The following C12orf56 variants were observed in gnomAD, a reference collection of about 807,000 sequenced individuals.
C12orf56 encodes uncharacterized protein C12orf56.
A neutral mutation model predicts 69.9 loss-of-function variants in C12orf56; 71 were observed. That is an observed-to-expected ratio of 1.02 (90% CI 0.84 to 1.24). The LOEUF (loss-of-function observed/expected upper bound fraction) is 1.24. Among genes scored for constraint, C12orf56 ranks in the 50% most tolerant of loss-of-function variants. The pLI is 0.00. For synonymous variants in C12orf56, 276 were observed against 274.1 expected, an observed-to-expected ratio of 1.01 and a Z score of -0.07; for missense variants, 732 against 738.5, an observed-to-expected ratio of 0.99 and a Z score of 0.10.
chr12:64,272,715 T>C (rs1187251685), intron 11 of C12orf56, among the ~76,000 whole-genome samples: 1 of 152,114 alleles, frequency 6.6e-6, no homozygotes, highest in African/African-American at 2.4e-5. Context: ...CTTGCACATA[T>C]GAGCTTCCAT....
intron 1 of C12orf56, among the ~76,000 whole-genome samples, chr12:64,377,193 CTTTTT>C (rs751240899): frequency 3.1e-5 from 4 of 128,224 alleles, no homozygotes; most frequent in African/African-American, 8.7e-5. Context: ...CCTTTGCCCA[CTTTTT>C]TTTTTTTTTT....
chr12:64,282,285 T>A (rs1290288161), intron 8 of C12orf56, among the ~76,000 whole-genome samples: 1 of 152,254 alleles, frequency 6.6e-6, no homozygotes, highest in Non-Finnish European at 1.5e-5. Flanking sequence ...GCAGGCCAAA[T>A]CCAGCCTACA....
chr12:64,349,199 G>T (rs908378018), intron 2 of C12orf56, among the ~76,000 whole-genome samples: 6 of 152,174 alleles, frequency 3.9e-5, no homozygotes, highest in African/African-American at 1.2e-4. Flanking sequence ...CTATCAAAAA[G>T]TGGGTTAAGG....
At chr12:64,372,793 G>A (rs1347590745) in intron 1 of C12orf56, among the ~76,000 whole-genome samples, 2 of 152,098 alleles carry the variant, frequency 1.3e-5, no homozygotes, top group Admixed American at 6.6e-5. Flanking sequence ...GGGATTACAG[G>A]CATGAGCCAC....
chr12:64,318,697 C>T lies in C12orf56; in HGVS notation c.772G>A (p.Asp258Asn). 2 of 1,537,176 alleles carry T rather than the reference C, an allele frequency of 1.3e-6. No individual in the cohort carries two copies. Among genetic ancestry groups the T allele is most frequent in the Non-Finnish European group, 1.7e-6 (2 of 1,146,872 alleles). ...NEFYLGNSLLDSPSQSNSNLE... is the reference protein window; with the variant it reads ...NEFYLGNSLLNSPSQSNSNLE... ...TTTGAGTTGCTCTGTGAAGGGGAAT[C>T]TAAGAGGGAATTTCCTAAGTAAAAC... is the stretch of plus-strand genomic sequence containing the variant. The change falls in exon 4 of 13, where the codon GAT becomes AAT. Residue 258 changes from aspartate to asparagine, a missense_variant. Transcript: ENST00000543942.
chr12:64,358,482 AATCATCATCATCATC>A (rs1555193400), intron 1 of C12orf56, among the ~76,000 whole-genome samples: 138 of 125,944 alleles, frequency 1.1e-3, no homozygotes, highest in Middle Eastern at 3.9e-3. Flanking sequence ...TAATAATAAT[AATCATCATCATCATC>A]ATCATCATCA....
chr12:64,322,489 TA>T (rs2038785988), intron 3 of C12orf56, among the ~76,000 whole-genome samples: 1 of 152,194 alleles, frequency 6.6e-6, no homozygotes, highest in Non-Finnish European at 1.5e-5. Context: ...GGTTCATACT[TA>T]CTTCTTAGAG....
At chr12:64,387,077 C>CAACAAAAAAAAAAAAAAAAAAAA (rs1201123599) in intron 1 of C12orf56, among the ~76,000 whole-genome samples, 3 of 42,106 alleles carry the variant, frequency 7.1e-5, no homozygotes, top group African/African-American at 3.3e-4. Flanking sequence ...GACTCTATCT[C>CAACAAAAAAAAAAAAAAAAAAAA]AAAAAAAAAA....
intron 1 of C12orf56, among the ~76,000 whole-genome samples, chr12:64,380,144 CA>C (rs1301705651): frequency 1.2e-5 from 1 of 81,600 alleles, no homozygotes; most frequent in Non-Finnish European, 2.4e-5. Flanking sequence ...ACAAAACAAA[CA>C]AAAAAAAACG....
At chr12:64,328,732 T>TATAG (rs1555190212) in intron 3 of C12orf56, among the ~76,000 whole-genome samples, 4,408 of 104,752 alleles carry the variant, frequency 0.042, 358 homozygotes, top group Non-Finnish European at 0.062. Flanking sequence ...TATATATATA[T>TATAG]ATATAGTATC....
intron 2 of C12orf56, among the ~76,000 whole-genome samples, chr12:64,331,916 C>G (rs2038935058): frequency 6.6e-6 from 1 of 151,192 alleles, no homozygotes. Context: ...TGCTCTCTTC[C>G]TATAGTTACC....
rs182314867 is a variant in C12orf56, at chr12:64,338,464, A to G, written c.416-7432T>C. ...GCACCGCAGACTTTACCAGAGGGAA[A>G]TCTTATTTCCTGCAACAAACAATCA... On this transcript the variant is annotated intron_variant, in intron 2 of 12. Transcript: ENST00000543942. 6.9e-5 allele frequency: 62 copies of G among 892,556 alleles called. No homozygotes were observed. In the African/African-American group the frequency reaches 7.9e-4, roughly 11 times the overall value. 55.3% of individuals were successfully genotyped at this position (892,556 alleles called of 1,614,324 possible).
intron 6 of C12orf56, among the ~76,000 whole-genome samples, chr12:64,297,191 A>T (rs986954864): frequency 3.9e-5 from 6 of 152,032 alleles, no homozygotes; most frequent in African/African-American, 9.7e-5. Flanking sequence ...CAATTTAAAT[A>T]AAAAAATCTT....
chr12:64,305,099 G>A (rs1416050167), intron 5 of C12orf56, among the ~76,000 whole-genome samples: 1 of 151,982 alleles, frequency 6.6e-6, no homozygotes, highest in African/African-American at 2.4e-5. Flanking sequence ...CAATCAATGA[G>A]TCGCTCTTAT....
chr12:64,276,993 T>TAAAAAAAAAAAAA (rs200351319), intron 9 of C12orf56, among the ~76,000 whole-genome samples: 1,840 of 68,894 alleles, frequency 0.027, 275 homozygotes, highest in East Asian at 0.053. Flanking sequence ...AACCCTTTCT[T>TAAAAAAAAAAAAA]AAAAAAAAAA....
Position 64,346,091 on chromosome 12 carries a change from T to C in C12orf56, c.415+6803A>G, listed in dbSNP as rs538126505. On this transcript the variant is annotated intron_variant, in intron 2 of 12. Transcript: ENST00000543942. Reference sequence around the variant, plus strand: ...GTACCAAAATTTGTATTAGTCAGGGTTCTCTAGAGGGACAGAACTAATGGA... The same window carrying C: ...GTACCAAAATTTGTATTAGTCAGGGCTCTCTAGAGGGACAGAACTAATGGA... Among the ~76,000 whole-genome samples, 18 of 152,208 alleles carry C rather than the reference T, an allele frequency of 1.2e-4. No individual in the cohort carries two copies. The East Asian group carries it at 3.5e-3, about 29-fold the overall frequency.
intron 2 of C12orf56, among the ~76,000 whole-genome samples, chr12:64,347,485 C>T (rs1054586143): frequency 1.3e-5 from 2 of 151,970 alleles, no homozygotes; most frequent in Non-Finnish European, 2.9e-5. Flanking sequence ...AGAGTTTCAC[C>T]ATATTGGTCA....
intron 4 of C12orf56, 83 bp downstream of exon 4, chr12:64,318,492 G>GT (rs1241135421): frequency 8.2e-7 from 1 of 1,222,214 alleles, no homozygotes; most frequent in African/African-American, 1.5e-5. Flanking sequence ...AAAATGGGAG[G>GT]TAAAGGAGGG....
Position 64,303,760 on chromosome 12 carries a change from G to A in C12orf56, c.988C>T (p.His330Tyr). 6.3e-7 allele frequency: 1 copy of A among 1,586,778 alleles called. No individual in the cohort carries two copies. Among genetic ancestry groups the A allele is most frequent in the Non-Finnish European group, 8.6e-7 (1 of 1,169,270 alleles). The change falls in exon 6 of 13, where the codon CAC becomes TAC. Residue 330 changes from histidine (H) to tyrosine (Y), a missense_variant. Transcript: ENST00000543942. ...AGTTCAGATTTAAGTTGACTGAAGT[G>A]CTTAATTTTCTCCTCAGACCTACAG... ...KPYRSEEKIK[H>Y]FSQLKSELFL... is the part of the protein sequence containing the mutation.
Sources: gnomAD v4.1 joint callset for allele counts (sites outside exome capture counted in the v4.1 genomes callset) on GRCh38, gnomAD v4.1.1 for gene constraint, MANE v1.5 for transcripts, NCBI Gene and HGNC (gene_info 2026-07-23, HGNC 2026-07-21) for gene names.